MACROD2: variants seen among roughly 807,000 people sequenced by gnomAD.
MACROD2 encodes the protein mono-ADP ribosylhydrolase 2.
A neutral mutation model predicts 70.4 loss-of-function variants in MACROD2; 36 were observed. The observed-to-expected ratio is 0.51, with a 90% CI of 0.39 to 0.68. MACROD2 has a LOEUF of 0.68. Among genes scored for constraint, MACROD2 ranks in the 30% least tolerant of loss-of-function variants. The pLI is 0.00. For synonymous variants in MACROD2, 172 were observed against 178.8 expected (o/e 0.96, Z 0.30); for missense variants, 496 against 538.4 (o/e 0.92, Z 0.78).
intron 8 of MACROD2, among the ~76,000 whole-genome samples, chr20:15,521,811 T>C (rs1378014659): frequency 1.3e-5 from 2 of 152,166 alleles, no homozygotes; most frequent in African/African-American, 2.4e-5. Flanking sequence ...TTACAAATAG[T>C]GATAACAAAG....
intron 7 of MACROD2, among the ~76,000 whole-genome samples, chr20:15,445,085 G>C (rs1439999582): frequency 2.0e-5 from 3 of 152,154 alleles, no homozygotes; most frequent in Admixed American, 6.5e-5. Context: ...CTAGAACTCT[G>C]TCTATACTAT....
At chr20:15,154,613 C>T (rs553035108) in intron 5 of MACROD2, among the ~76,000 whole-genome samples, 2 of 152,306 alleles carry the variant, frequency 1.3e-5, no homozygotes, top group South Asian at 2.1e-4. Context: ...TAGTGACCCC[C>T]TCTTCCACTT....
chr20:16,019,573 G>A (rs1568713358), intron 15 of MACROD2, among the ~76,000 whole-genome samples: 1 of 152,202 alleles, frequency 6.6e-6, no homozygotes, highest in African/African-American at 2.4e-5. Context: ...ACTCCACACA[G>A]TTATTCAGGA....
chr20:14,156,153 A>G (rs1183101071), intron 3 of MACROD2, among the ~76,000 whole-genome samples: 2 of 152,174 alleles, frequency 1.3e-5, no homozygotes, highest in Admixed American at 1.3e-4. Flanking sequence ...CAAAGTCTCA[A>G]AAAAAATAAA....
intron 5 of MACROD2, among the ~76,000 whole-genome samples, chr20:15,061,316 C>T (rs1018119774): frequency 9.2e-5 from 14 of 152,178 alleles, no homozygotes; most frequent in African/African-American, 2.9e-4. Flanking sequence ...CTTTCACCCA[C>T]ATGAGCAAAA....
intron 3 of MACROD2, among the ~76,000 whole-genome samples, chr20:14,469,252 G>A (rs942555018): frequency 6.6e-6 from 1 of 152,048 alleles, no homozygotes; most frequent in African/African-American, 2.4e-5. Context: ...GTTGAATATT[G>A]GCCCCCACTC....
intron 6 of MACROD2, among the ~76,000 whole-genome samples, chr20:15,379,955 C>T (rs953760231): frequency 2.0e-5 from 3 of 152,168 alleles, no homozygotes; most frequent in Non-Finnish European, 1.5e-5. Flanking sequence ...TCTCCTACTC[C>T]AGGATTCACC....
chr20:15,064,767 C>A (rs1462735207), intron 5 of MACROD2, among the ~76,000 whole-genome samples: 4 of 152,174 alleles, frequency 2.6e-5, no homozygotes, highest in African/African-American at 7.2e-5. Flanking sequence ...CTTATAGATT[C>A]CATTACACTC....
chr20:15,258,136 A>G (rs1222673662), intron 6 of MACROD2, among the ~76,000 whole-genome samples: 1 of 152,108 alleles, frequency 6.6e-6, no homozygotes, highest in African/African-American at 2.4e-5. Context: ...TTTGTGTTTT[A>G]AGCTATTATT....
At chr20:14,309,473 C>A (rs1252935137) in intron 3 of MACROD2, among the ~76,000 whole-genome samples, 1 of 152,118 alleles carries the variant, frequency 6.6e-6, no homozygotes, top group Non-Finnish European at 1.5e-5. Flanking sequence ...TTTCTAAATT[C>A]TTGGGGCAGT....
chr20:14,631,698 C>T (rs1026300958), intron 4 of MACROD2: 5 of 152,224 alleles, frequency 3.3e-5, no homozygotes, highest in African/African-American at 9.7e-5. Context: ...TGGCGTGAAC[C>T]CAGGAGCGGA....
intron 6 of MACROD2, among the ~76,000 whole-genome samples, chr20:15,318,035 G>A (rs1414745133): frequency 6.6e-6 from 1 of 151,806 alleles, no homozygotes; most frequent in South Asian, 2.1e-4. Flanking sequence ...TTAGCAAGAC[G>A]AAGAAAAAAA....
intron 8 of MACROD2, among the ~76,000 whole-genome samples, chr20:15,855,991 AGT>A (rs1447906113): frequency 2.0e-5 from 3 of 152,122 alleles, no homozygotes; most frequent in Admixed American, 6.5e-5. Flanking sequence ...TGAACATTCT[AGT>A]GTGTGTCTTT....
At chr20:14,333,337 T>G (rs970902605) in intron 3 of MACROD2, among the ~76,000 whole-genome samples, 2 of 152,220 alleles carry the variant, frequency 1.3e-5, no homozygotes, top group Non-Finnish European at 2.9e-5. Flanking sequence ...CTTCATTTAT[T>G]TTGACTTGTA....
At position 15,381,539 on chromosome 20, in the gene MACROD2, G is replaced by A. The variant is rs573698139; in HGVS notation, c.541-49866G>A. Among the ~76,000 whole-genome samples, 54 of 152,138 alleles carry A rather than the reference G, an allele frequency of 3.5e-4. 1 individual carries two copies. The East Asian group carries it at 9.5e-3, about 27-fold the overall frequency. ...AAATTAGCTGAGTGTGATGGCAAGC[G>A]TCTGTAATACCATCTACTTGGGAGG... On this transcript the variant is annotated intron_variant, in intron 6 of 17. Coordinates refer to ENST00000684519, the MANE Select transcript of MACROD2 (RefSeq NM_001351661.2).
At chr20:14,018,298 A>G (rs1472815004) in intron 2 of MACROD2, among the ~76,000 whole-genome samples, 1 of 147,278 alleles carries the variant, frequency 6.8e-6, no homozygotes, top group East Asian at 2.0e-4. Context: ...TCTTATTTTT[A>G]GTATTTCCTT....
chr20:14,836,944 A>G (rs2073036287), intron 5 of MACROD2, among the ~76,000 whole-genome samples: 1 of 152,104 alleles, frequency 6.6e-6, no homozygotes, highest in Non-Finnish European at 1.5e-5. Flanking sequence ...TAGTTTGTAT[A>G]GAAAGCACCT....
chr20:15,677,140 G>T (rs2050068331), intron 8 of MACROD2, among the ~76,000 whole-genome samples: 1 of 152,202 alleles, frequency 6.6e-6, no homozygotes. Context: ...TGCAATTTGT[G>T]AGTACAGAGC....
chr20:14,241,738 A>G (rs1392911512), intron 3 of MACROD2, among the ~76,000 whole-genome samples: 1 of 152,068 alleles, frequency 6.6e-6, no homozygotes, highest in Non-Finnish European at 1.5e-5. Context: ...GAGTGGGAAT[A>G]TCCTTACAAG....
Sources: gnomAD v4.1 joint callset for allele counts (sites outside exome capture counted in the v4.1 genomes callset) on GRCh38, gnomAD v4.1.1 for gene constraint, MANE v1.5 for transcripts, NCBI Gene and HGNC (gene_info 2026-07-23, HGNC 2026-07-21) for gene names.